GRIA4: variants seen among roughly 807,000 people sequenced by gnomAD.
GRIA4 encodes the protein glutamate ionotropic receptor AMPA type subunit 4.
A neutral mutation model predicts 104.0 loss-of-function variants in GRIA4; 34 were observed. The ratio of observed to expected loss-of-function variants is 0.33; its 90% CI spans 0.25 to 0.44. GRIA4 has a LOEUF of 0.44. Among genes scored for constraint, GRIA4 ranks in the 20% least tolerant of loss-of-function variants. The probability of loss-of-function intolerance (pLI) is 1.00; values close to 1 mark genes in which losing one functional copy is unlikely to be tolerated. For missense variants in GRIA4, 750 were observed against 1,096.5 expected (o/e 0.68, Z 4.46); for synonymous variants, 386 against 381.9 (o/e 1.01, Z -0.13).
chr11:105,775,439 T>C (rs1022790527), intron 4 of GRIA4, among the ~76,000 whole-genome samples: 2 of 152,154 alleles, frequency 1.3e-5, no homozygotes, highest in Admixed American at 1.3e-4. Flanking sequence ...TGTAATGATG[T>C]ATTTATTTGG....
chr11:105,829,221 G>A (rs914961767), intron 4 of GRIA4, among the ~76,000 whole-genome samples: 4 of 151,894 alleles, frequency 2.6e-5, no homozygotes, highest in African/African-American at 9.7e-5. Context: ...AATCAGTAAG[G>A]CAGAGAGCCT....
rs781238650 is a variant in GRIA4 at position 105,924,491 on chromosome 11, T to G, written c.1569T>G (p.Ser523=). Reference sequence around the variant, plus strand: ...AGCCCTTCATGAGTTTGGGCATATCTATCATGATCAAAAAGCCTCAGAAAT... The same window carrying G: ...AGCCCTTCATGAGTTTGGGCATATCGATCATGATCAAAAAGCCTCAGAAAT... ...FSKPFMSLGI[S]IMIKKPQKSK... The change falls in exon 12 of 17, where the codon TCT becomes TCG. Residue 523 remains serine, a synonymous_variant. Transcript: ENST00000282499. 1.2e-6 allele frequency: 2 copies of G among 1,613,078 alleles called. No individual in the cohort carries two copies. The highest frequency in any genetic ancestry group is 3.3e-5 in the Admixed American group (2 of 59,968).
At chr11:105,782,331 C>A (rs1460958653) in intron 4 of GRIA4, among the ~76,000 whole-genome samples, 1 of 152,130 alleles carries the variant, frequency 6.6e-6, no homozygotes, top group Non-Finnish European at 1.5e-5. Flanking sequence ...AAATGAAATT[C>A]AATTTTCAAA....
intron 3 of GRIA4, among the ~76,000 whole-genome samples, chr11:105,747,537 G>A (rs977420582): frequency 1.3e-5 from 2 of 152,120 alleles, no homozygotes; most frequent in Non-Finnish European, 2.9e-5. Context: ...TTCAGATGGA[G>A]TATGGAGATA....
At chr11:105,736,763 A>T (rs1292576969) in intron 3 of GRIA4, among the ~76,000 whole-genome samples, 2 of 152,122 alleles carry the variant, frequency 1.3e-5, no homozygotes, top group Admixed American at 6.6e-5. Context: ...AGGGATTCAA[A>T]CTATTCTAAC....
chr11:105,897,166 G>GT (rs1444249806), intron 6 of GRIA4, among the ~76,000 whole-genome samples: 1 of 151,962 alleles, frequency 6.6e-6, no homozygotes, highest in African/African-American at 2.4e-5. Context: ...GTATGTGTGT[G>GT]TGTGGCAATT....
rs1160287860 is a variant in GRIA4, at chr11:105,903,352, T to C, written c.886-462T>C. On this transcript the variant is annotated intron_variant, in intron 7 of 16. Coordinates refer to ENST00000282499, the MANE Select transcript of GRIA4 (RefSeq NM_000829.4). ...AACAAAGATAGATACTTCAAGTCCATGAACTTATATTAAATCTCAGGGAAC... is the reference window on the plus strand; with the variant it reads ...AACAAAGATAGATACTTCAAGTCCACGAACTTATATTAAATCTCAGGGAAC... 3.3e-5 allele frequency among the ~76,000 whole-genome samples: 5 copies of C among 152,200 alleles called. No individual in the cohort carries two copies. In the East Asian group the frequency reaches 7.7e-4, roughly 23 times the overall value.
At position 105,862,020 on chromosome 11, in the gene GRIA4, A is replaced by G. The variant is rs773102426; in HGVS notation, c.488-4A>G. ...TTTTTAGTAACTTTTTTTTTCCCCA[A>G]TAGGATACTCGATACTCCAAGCTAT... On this transcript the variant is annotated splice_region_variant and splice_polypyrimidine_tract_variant and intron_variant, in intron 4 of 16. Transcript: ENST00000282499. The G allele has an allele frequency of 2.2e-5, 35 of 1,597,152 alleles. No individual in the cohort carries two copies. The highest frequency in any genetic ancestry group is 1.1e-4 in the African/African-American group (8 of 74,202).
At chr11:105,780,639 G>A (rs1456270104) in intron 4 of GRIA4, among the ~76,000 whole-genome samples, 2 of 152,048 alleles carry the variant, frequency 1.3e-5, no homozygotes, top group African/African-American at 4.8e-5. Flanking sequence ...ATTGCTGAAA[G>A]ATAAAAACCT....
At chr11:105,905,928 T>C (rs1244224072) in intron 9 of GRIA4, among the ~76,000 whole-genome samples, 1 of 152,164 alleles carries the variant, frequency 6.6e-6, no homozygotes, top group African/African-American at 2.4e-5. Flanking sequence ...TCAAGTACTT[T>C]ATACAGTGCA....
chr11:105,863,804 A>T (rs1289682818), intron 5 of GRIA4, among the ~76,000 whole-genome samples: 1 of 152,160 alleles, frequency 6.6e-6, no homozygotes, highest in Non-Finnish European at 1.5e-5. Flanking sequence ...TTAAAAGACC[A>T]AGTCTGGAGG....
chr11:105,875,487 T>C (rs1364463902), intron 5 of GRIA4, among the ~76,000 whole-genome samples: 2 of 152,196 alleles, frequency 1.3e-5, no homozygotes, highest in Non-Finnish European at 1.5e-5. Flanking sequence ...TCAGAAGGAA[T>C]GGTACCAACT....
intron 3 of GRIA4, among the ~76,000 whole-genome samples, chr11:105,659,969 TA>T (rs1231885256): frequency 6.6e-6 from 1 of 151,804 alleles, no homozygotes; most frequent in African/African-American, 2.4e-5. Flanking sequence ...AAAACAATGG[TA>T]AAATTTTCAA....
At chr11:105,967,712 A>G (rs956435844) in intron 14 of GRIA4, among the ~76,000 whole-genome samples, 9 of 152,026 alleles carry the variant, frequency 5.9e-5, no homozygotes, top group African/African-American at 2.2e-4. Context: ...CCAAAAAAAA[A>G]AAAAAATCCA....
chr11:105,791,684 A>G (rs1942220000), intron 4 of GRIA4, among the ~76,000 whole-genome samples: 1 of 152,102 alleles, frequency 6.6e-6, no homozygotes, highest in Non-Finnish European at 1.5e-5. Flanking sequence ...CAACTGTTCA[A>G]AAGGAATGAC....
intron 4 of GRIA4, among the ~76,000 whole-genome samples, chr11:105,776,344 T>G (rs1194536884): frequency 1.3e-5 from 2 of 152,154 alleles, no homozygotes; most frequent in African/African-American, 4.8e-5. Context: ...CAACATACTA[T>G]GTAGAAAGGA....
intron 4 of GRIA4, among the ~76,000 whole-genome samples, chr11:105,838,314 G>A (rs891427717): frequency 6.6e-6 from 1 of 152,130 alleles, no homozygotes; most frequent in Admixed American, 6.6e-5. Context: ...TCTGTATAGA[G>A]TAATGGAGTT....
intron 3 of GRIA4, among the ~76,000 whole-genome samples, chr11:105,653,978 T>C (rs556862713): frequency 5.5e-5 from 4 of 72,468 alleles, no homozygotes; most frequent in Admixed American, 4.1e-4. Context: ...AGTATGTATA[T>C]GCAACGGAAC....
At chr11:105,963,082 T>A (rs771480950) in intron 14 of GRIA4, among the ~76,000 whole-genome samples, 1 of 152,054 alleles carries the variant, frequency 6.6e-6, no homozygotes, top group Non-Finnish European at 1.5e-5. Flanking sequence ...GCAGCGAGTA[T>A]CTGCTTTCTA....
Sources: allele counts gnomAD v4.1 joint callset (sites outside exome capture counted in the v4.1 genomes callset), GRCh38; gene constraint gnomAD v4.1.1; transcripts MANE v1.5; gene names NCBI Gene and HGNC (gene_info 2026-07-23, HGNC 2026-07-21).